FILIP1L: variants seen among roughly 807,000 people sequenced by gnomAD.
FILIP1L encodes the protein filamin A interacting protein 1 like, also known as filamin A-interacting protein 1-like.
A neutral mutation model predicts 96.6 loss-of-function variants in FILIP1L; 55 were observed. That is an observed-to-expected ratio of 0.57 (90% CI 0.46 to 0.71). The LOEUF is 0.71. Among genes scored for constraint, FILIP1L ranks in the 30% least tolerant of loss-of-function variants. FILIP1L has a pLI of 0.00. For missense variants in FILIP1L, 1,304 were observed against 1,321.2 expected, an observed-to-expected ratio of 0.99 and a Z score of 0.20; for synonymous variants, 467 against 473.9, an observed-to-expected ratio of 0.99 and a Z score of 0.19.
intron 4 of FILIP1L, among the ~76,000 whole-genome samples, chr3:99,873,102 T>A (rs1705319685): frequency 6.6e-6 from 1 of 152,150 alleles, no homozygotes; most frequent in Non-Finnish European, 1.5e-5. Context: ...CATAAGTGAC[T>A]GGGTTGGTGG....
At chr3:99,853,556 T>C (rs921054470) in intron 4 of FILIP1L, among the ~76,000 whole-genome samples, 6 of 152,176 alleles carry the variant, frequency 3.9e-5, no homozygotes, top group Non-Finnish European at 7.4e-5. Context: ...TTCAGTTGCT[T>C]CCATTTTGTT....
intron 1 of FILIP1L, among the ~76,000 whole-genome samples, chr3:100,094,714 C>T (rs1440292970): frequency 8.2e-6 from 1 of 122,584 alleles, no homozygotes; most frequent in Non-Finnish European, 1.6e-5. Context: ...GAGACAGTCT[C>T]GCTCTGTCAC....
At chr3:99,947,518 A>G (rs1708047431) in intron 1 of FILIP1L, among the ~76,000 whole-genome samples, 1 of 152,284 alleles carries the variant, frequency 6.6e-6, no homozygotes, top group Admixed American at 6.5e-5. Flanking sequence ...ACCCAGAGCT[A>G]AAAAGGAACC....
In FILIP1L at chr3:100,067,230, C is replaced by A. The variant is rs530931817; in HGVS notation, c.-11+46823G>T. Among the ~76,000 whole-genome samples, 3 of 152,214 alleles carry A rather than the reference C, an allele frequency of 2.0e-5. No homozygotes were observed. In the South Asian group the frequency reaches 6.2e-4, roughly 32 times the overall value. Reference sequence around the variant, plus strand: ...GGGAAATTTTAGCATCACAGTTGAACAAAAGTAAGGTATCCCTACTCAAAC... The same window carrying A: ...GGGAAATTTTAGCATCACAGTTGAAAAAAAGTAAGGTATCCCTACTCAAAC... On this transcript the variant is annotated intron_variant, in intron 1 of 5. Coordinates refer to ENST00000477258, the MANE Select transcript of FILIP1L (RefSeq NM_001387850.1).
intron 4 of FILIP1L, among the ~76,000 whole-genome samples, chr3:99,881,600 T>C (rs1705731321): frequency 6.6e-6 from 1 of 151,896 alleles, no homozygotes; most frequent in African/African-American, 2.4e-5. Context: ...TAGTGCAAGC[T>C]CGGCTCACTG....
intron 5 of FILIP1L, among the ~76,000 whole-genome samples, chr3:99,837,233 G>A (rs772425798): frequency 2.6e-5 from 4 of 152,090 alleles, no homozygotes; most frequent in Non-Finnish European, 4.4e-5. Flanking sequence ...CCTCCCTGTT[G>A]CCCTAAAGGA....
At chr3:99,988,341 C>CAAAA (rs63321762) in intron 1 of FILIP1L, among the ~76,000 whole-genome samples, 7 of 62,308 alleles carry the variant, frequency 1.1e-4, no homozygotes, top group African/African-American at 2.0e-4. Context: ...ACTAAAAATC[C>CAAAA]AAAAAAAAAA....
intron 4 of FILIP1L, among the ~76,000 whole-genome samples, chr3:99,863,219 G>A (rs1009374495): frequency 1.3e-5 from 2 of 152,138 alleles, no homozygotes; most frequent in African/African-American, 4.8e-5. Flanking sequence ...TCCCTCACCT[G>A]CACAGTTCAC....
intron 1 of FILIP1L, among the ~76,000 whole-genome samples, chr3:99,953,947 T>C (rs865869180): frequency 6.6e-6 from 1 of 152,224 alleles, no homozygotes; most frequent in Non-Finnish European, 1.5e-5. Flanking sequence ...TCTTCCCACA[T>C]TGTAAGTCTC....
At chr3:99,951,344 C>A (rs553421364) in intron 1 of FILIP1L, among the ~76,000 whole-genome samples, 2 of 152,272 alleles carry the variant, frequency 1.3e-5, no homozygotes, top group East Asian at 3.9e-4. Flanking sequence ...TTCAACCTCC[C>A]CCACTGAACC....
At chr3:99,838,367 A>G (rs545817445) in intron 5 of FILIP1L, among the ~76,000 whole-genome samples, 18 of 152,312 alleles carry the variant, frequency 1.2e-4, no homozygotes, top group East Asian at 3.9e-4. Flanking sequence ...ACTCTTGGCT[A>G]TGGTGATCAT....
At chr3:99,972,312 C>T (rs1016855424) in intron 1 of FILIP1L, among the ~76,000 whole-genome samples, 1 of 152,100 alleles carries the variant, frequency 6.6e-6, no homozygotes, top group South Asian at 2.1e-4. Context: ...GACTTAGATG[C>T]CAGGGATTTG....
At chr3:99,890,583 C>T (rs2107613905) in intron 4 of FILIP1L, among the ~76,000 whole-genome samples, 1 of 152,162 alleles carries the variant, frequency 6.6e-6, no homozygotes, top group Non-Finnish European at 1.5e-5. Context: ...TGTGCAATTT[C>T]TTTGAATTTT....
intron 1 of FILIP1L, among the ~76,000 whole-genome samples, chr3:100,058,613 C>T (rs2065505843): frequency 6.6e-6 from 1 of 152,232 alleles, no homozygotes; most frequent in South Asian, 2.1e-4. Context: ...AAAAGTTTCT[C>T]TCCGCTTTTT....
chr3:100,110,991 A>G (rs974464391), intron 1 of FILIP1L, among the ~76,000 whole-genome samples: 1 of 152,188 alleles, frequency 6.6e-6, no homozygotes, highest in Non-Finnish European at 1.5e-5. Context: ...CAAACTTTTT[A>G]AAATCTTATT....
At chr3:100,000,969 C>G (rs556072249) in intron 1 of FILIP1L, among the ~76,000 whole-genome samples, 1 of 152,308 alleles carries the variant, frequency 6.6e-6, no homozygotes, top group African/African-American at 2.4e-5. Context: ...ACTATGTTTT[C>G]TATAAGATAA....
At chr3:100,044,490 C>G (rs1036193570) in intron 1 of FILIP1L, among the ~76,000 whole-genome samples, 1 of 152,082 alleles carries the variant, frequency 6.6e-6, no homozygotes, top group Non-Finnish European at 1.5e-5. Context: ...GGCTAAAGGA[C>G]AGCTTGCTCC....
chr3:99,958,824 A>G (rs114432017), intron 1 of FILIP1L, among the ~76,000 whole-genome samples: 129 of 152,310 alleles, frequency 8.5e-4, no homozygotes, highest in African/African-American at 2.8e-3. Flanking sequence ...AGATGTCAAA[A>G]TGAACTGGAG....
intron 1 of FILIP1L, among the ~76,000 whole-genome samples, chr3:99,948,763 A>T (rs1708090385): frequency 6.7e-6 from 1 of 148,600 alleles, no homozygotes; most frequent in South Asian, 2.1e-4. Context: ...AAAAGGAAGG[A>T]AGGAAAGAAA....
Sources: allele counts gnomAD v4.1 joint callset (sites outside exome capture counted in the v4.1 genomes callset), GRCh38; gene constraint gnomAD v4.1.1; transcripts MANE v1.5; gene names NCBI Gene and HGNC (gene_info 2026-07-23, HGNC 2026-07-21).